ERGIC1: variants seen among roughly 807,000 people sequenced by gnomAD.
ERGIC1 encodes the protein endoplasmic reticulum-Golgi intermediate compartment protein 1.
A neutral mutation model predicts 38.3 loss-of-function variants in ERGIC1; 19 were observed. The observed-to-expected ratio is 0.50, with a 90% CI of 0.35 to 0.73. The LOEUF is 0.73. Among genes scored for constraint, ERGIC1 ranks in the 30% least tolerant of loss-of-function variants. The probability of loss-of-function intolerance (pLI) is 0.01; values close to 1 mark genes in which losing one functional copy is unlikely to be tolerated. For synonymous variants in ERGIC1, 124 were observed against 157.6 expected (o/e 0.79, Z 1.60); for missense variants, 294 against 389.2 (o/e 0.76, Z 2.06).
At chr5:172,883,217 T>C (rs1411279240) in intron 1 of ERGIC1, among the ~76,000 whole-genome samples, 2 of 152,236 alleles carry the variant, frequency 1.3e-5, no homozygotes, top group East Asian at 3.8e-4. Flanking sequence ...AGTTCCTGTA[T>C]GCCCTTTACC....
chr5:172,915,366 G>C (rs1444376915), intron 5 of ERGIC1: 1 of 446,748 alleles, frequency 2.2e-6, no homozygotes, highest in African/African-American at 2.0e-5. Flanking sequence ...CTCCCATTCT[G>C]GTAGAGGGAG....
chr5:172,867,399 A>G (rs1318785325), intron 1 of ERGIC1: 1 of 401,992 alleles, frequency 2.5e-6, no homozygotes, highest in Non-Finnish European at 5.1e-6. Context: ...CCTGCTGTGA[A>G]CTGCTGGCTG....
chr5:172,866,395 C>T (rs1295498407), intron 1 of ERGIC1, among the ~76,000 whole-genome samples: 2 of 152,208 alleles, frequency 1.3e-5, no homozygotes, highest in East Asian at 3.9e-4. Context: ...TCTTTCTGGC[C>T]TAATTTCCTG....
chr5:172,847,585 C>T (rs1761310247), intron 1 of ERGIC1, among the ~76,000 whole-genome samples: 1 of 152,164 alleles, frequency 6.6e-6, no homozygotes. Flanking sequence ...ATGATCTCGG[C>T]TCACTGCAAC....
At chr5:172,842,170 A>G (rs1416421338) in intron 1 of ERGIC1, among the ~76,000 whole-genome samples, 2 of 152,130 alleles carry the variant, frequency 1.3e-5, no homozygotes, top group Non-Finnish European at 2.9e-5. Context: ...CAGCCTCCCA[A>G]GTAGCTGGGA....
At chr5:172,850,311 AC>A (rs1247847960) in intron 1 of ERGIC1, among the ~76,000 whole-genome samples, 2 of 21,654 alleles carry the variant, frequency 9.2e-5, no homozygotes, top group African/African-American at 3.5e-4. Flanking sequence ...GCCCCACCCC[AC>A]CCCACCCTGG....
At position 172,834,275 on chromosome 5, in the gene ERGIC1, G is replaced by A. The variant is rs1487289388; in HGVS notation, c.-139G>A. On this transcript the variant is annotated 5_prime_UTR_variant, in exon 1 of 10. Transcript: ENST00000393784. The surrounding 1 kb of genome is among the most constrained non-coding windows in gnomAD (Gnocchi z 4.1). ...CACTTCCCGGCAGCGGGAGGCGAGT[G>A]GCGAGTGGCGAGTGGCGAGTGTCAG... 3.8e-6 allele frequency: 3 copies of A among 788,044 alleles called. No individual in the cohort carries two copies. Among genetic ancestry groups the A allele is most frequent in the South Asian group, 5.9e-5 (1 of 16,938 alleles). 48.8% of individuals were successfully genotyped at this position (788,044 alleles called of 1,614,324 possible).
intron 1 of ERGIC1, among the ~76,000 whole-genome samples, chr5:172,871,694 G>A (rs1309663558): frequency 6.6e-6 from 1 of 152,176 alleles, no homozygotes; most frequent in Non-Finnish European, 1.5e-5. Flanking sequence ...GAGAGAGGGG[G>A]TGATGCAGAC....
intron 1 of ERGIC1, among the ~76,000 whole-genome samples, chr5:172,885,814 A>C (rs1215883566): frequency 6.6e-6 from 1 of 152,170 alleles, no homozygotes; most frequent in African/African-American, 2.4e-5. Flanking sequence ...CAGCTCCGCA[A>C]GGCCTCTCCG....
intron 2 of ERGIC1, among the ~76,000 whole-genome samples, chr5:172,896,405 C>A (rs2113307447): frequency 6.6e-6 from 1 of 152,324 alleles, no homozygotes; most frequent in Non-Finnish European, 1.5e-5. Flanking sequence ...TCTTGAAGCA[C>A]CGCTGTCTAT....
chr5:172,855,384 C>T (rs950690154), intron 1 of ERGIC1, among the ~76,000 whole-genome samples: 3 of 152,188 alleles, frequency 2.0e-5, no homozygotes, highest in African/African-American at 4.8e-5. Context: ...CTAACCAGGA[C>T]CTCGCTGGCC....
intron 1 of ERGIC1, chr5:172,867,132 A>G (rs1316318850): frequency 3.3e-5 from 15 of 449,892 alleles, no homozygotes; most frequent in Non-Finnish European, 6.7e-5. Flanking sequence ...TCTGCAAGCC[A>G]AGGGTTTGAG....
intron 1 of ERGIC1, among the ~76,000 whole-genome samples, chr5:172,838,170 G>A (rs183896276): frequency 1.8e-3 from 276 of 152,310 alleles, no homozygotes; most frequent in Non-Finnish European, 2.8e-3. Context: ...GTAGATGTAG[G>A]GGCAAGTGTG....
At chr5:172,931,226 C>T (rs182126420) in intron 7 of ERGIC1, 1 of 152,254 alleles carries the variant, frequency 6.6e-6, no homozygotes, top group East Asian at 1.9e-4. Flanking sequence ...CCCAGAAGGC[C>T]CAGGAGAGTT....
At chr5:172,934,943 C>T in intron 8 of ERGIC1, 2 of 530,546 alleles carry the variant, frequency 3.8e-6, no homozygotes, top group South Asian at 4.9e-5. Context: ...GATTCTGGTG[C>T]TGCTTGCAGC....
rs116979985 is a variant in ERGIC1 at position 172,950,342 on chromosome 5, G to A, written c.766-367G>A. ...AGACCACAGGCTCCAGAGTTAAGAC[G>A]TACCTGTGTTCAAGTTGCATCTCTG... On this transcript the variant is annotated intron_variant, in intron 9 of 9. Coordinates refer to ENST00000393784, the MANE Select transcript of ERGIC1 (RefSeq NM_001031711.3). Among the ~76,000 whole-genome samples, 479 of 152,290 alleles carry A rather than the reference G, an allele frequency of 3.1e-3. 11 individuals are homozygous for A. The East Asian group carries it at 0.073, about 23-fold the overall frequency.
intron 1 of ERGIC1, among the ~76,000 whole-genome samples, chr5:172,868,866 T>C (rs1162614338): frequency 6.6e-6 from 1 of 152,200 alleles, no homozygotes; most frequent in Non-Finnish European, 1.5e-5. Flanking sequence ...GCTCTAAAAA[T>C]ATAGCCTATG....
intron 3 of ERGIC1, among the ~76,000 whole-genome samples, chr5:172,908,893 G>C (rs887433518): frequency 5.3e-5 from 8 of 152,182 alleles, no homozygotes; most frequent in African/African-American, 1.9e-4. Context: ...TTCCCGGCTG[G>C]GGGAAGGGGA....
intron 2 of ERGIC1, among the ~76,000 whole-genome samples, chr5:172,893,927 G>GTA (rs1354479966): frequency 1.8e-5 from 1 of 56,564 alleles, no homozygotes; most frequent in Non-Finnish European, 3.5e-5. Context: ...GTGTGTGTGT[G>GTA]TGTGTGTGTA....
Sources: gnomAD v4.1 joint callset for allele counts (sites outside exome capture counted in the v4.1 genomes callset) on GRCh38, gnomAD v4.1.1 for gene constraint, Gnocchi (gnomAD v3.1) non-coding constraint, MANE v1.5 for transcripts, NCBI Gene and HGNC (gene_info 2026-07-23, HGNC 2026-07-21) for gene names.